The following IFT81 variants were observed in gnomAD, a reference collection of about 807,000 sequenced individuals.
The protein encoded by IFT81 is intraflagellar transport 81.
In IFT81, 72 loss-of-function variants were observed where a neutral mutation model predicts 102.6. That is an observed-to-expected ratio of 0.70 (90% CI 0.58 to 0.85). The LOEUF (loss-of-function observed/expected upper bound fraction) is 0.85. IFT81 is among the 40% of genes least tolerant of loss of function. IFT81 has a pLI of 0.00. For synonymous variants in IFT81, 237 were observed against 242.7 expected (o/e 0.98, Z 0.22); for missense variants, 723 against 787.3 (o/e 0.92, Z 0.98).
chr12:110,156,825 C>T (rs891047797), intron 10 of IFT81, among the ~76,000 whole-genome samples: 1 of 152,014 alleles, frequency 6.6e-6, no homozygotes, highest in African/African-American at 2.4e-5. Flanking sequence ...GACAGTTTTG[C>T]CAGATATATG....
At chr12:110,127,123 T>C (rs1376426355) in intron 1 of IFT81, among the ~76,000 whole-genome samples, 1 of 152,174 alleles carries the variant, frequency 6.6e-6, no homozygotes, top group East Asian at 1.9e-4. Flanking sequence ...ATGATTACTG[T>C]TACACCAGAT....
At chr12:110,169,916 T>C (rs1274618858) in intron 11 of IFT81, among the ~76,000 whole-genome samples, 1 of 151,920 alleles carries the variant, frequency 6.6e-6, no homozygotes, top group Non-Finnish European at 1.5e-5. Flanking sequence ...GAACATTGGA[T>C]CTGTATTTTG....
At chr12:110,196,955 C>CT in intron 14 of IFT81, among the ~76,000 whole-genome samples, 1 of 152,150 alleles carries the variant, frequency 6.6e-6, no homozygotes, top group Middle Eastern at 3.4e-3. Flanking sequence ...AATCCTAGCA[C>CT]TTTGGGAGGC....
intron 10 of IFT81, among the ~76,000 whole-genome samples, chr12:110,156,654 G>A (rs759579480): frequency 1.3e-5 from 2 of 151,926 alleles, no homozygotes; most frequent in Non-Finnish European, 2.9e-5. Context: ...GCACCACCAC[G>A]CCCAGCTAAT....
chr12:110,145,858 T>G (rs1247333343), intron 9 of IFT81, among the ~76,000 whole-genome samples: 1 of 152,170 alleles, frequency 6.6e-6, no homozygotes, highest in Non-Finnish European at 1.5e-5. Flanking sequence ...TCACCCAGGC[T>G]GGAGTCCAGT....
chr12:110,203,651 C>G (rs1898419522), intron 14 of IFT81: 2 of 548,504 alleles, frequency 3.6e-6, no homozygotes, highest in East Asian at 6.4e-5. Context: ...AACAAAGAAC[C>G]TGGCACACAG....
rs61746708 is a variant in IFT81 at position 110,180,450 on chromosome 12, G to A, written c.1217G>A (p.Ser406Asn). ...AAACGATATGTCAATAAACTTCGAA[G>A]CAAGAGTACAGTTTTCAAAAAGAAG... is the stretch of plus-strand genomic sequence containing the variant. ...EFKRYVNKLR[S>N]KSTVFKKKHQ... The change falls in exon 12 of 19, where the codon AGC becomes AAC. Residue 406 changes from serine to asparagine, a missense_variant. Transcript: ENST00000242591. The A allele has an allele frequency of 5.1e-4, 817 of 1,606,968 alleles. No individual in the cohort carries two copies. The highest frequency in any genetic ancestry group is 6.2e-4 in the Non-Finnish European group (726 of 1,174,872).
intron 10 of IFT81, 126 bp downstream of exon 10, chr12:110,147,174 C>T (rs897551963): frequency 3.1e-6 from 2 of 645,122 alleles, no homozygotes; most frequent in South Asian, 7.0e-5. Context: ...CACTGCTAAT[C>T]TCCATAGTAT....
intron 12 of IFT81, among the ~76,000 whole-genome samples, chr12:110,189,677 T>C (rs1332020647): frequency 1.3e-5 from 2 of 152,172 alleles, no homozygotes; most frequent in Non-Finnish European, 1.5e-5. Context: ...TATAACATCT[T>C]GACCTTTCCA....
chr12:110,212,858 G>A (rs574137265), intron 18 of IFT81, among the ~76,000 whole-genome samples: 10 of 151,872 alleles, frequency 6.6e-5, no homozygotes, highest in South Asian at 4.2e-4. Context: ...AAAAATGATC[G>A]CCTTTATTAT....
intron 10 of IFT81, among the ~76,000 whole-genome samples, chr12:110,155,352 C>T (rs529217978): frequency 6.6e-6 from 1 of 152,040 alleles, no homozygotes; most frequent in East Asian, 1.9e-4. Flanking sequence ...CTCCTGTTGC[C>T]CAGGCTGGAG....
At chr12:110,146,178 G>A (rs1895217690) in intron 9 of IFT81, among the ~76,000 whole-genome samples, 1 of 152,168 alleles carries the variant, frequency 6.6e-6, no homozygotes, top group Non-Finnish European at 1.5e-5. Context: ...ATCTTTCAAA[G>A]GATGGATACA....
intron 12 of IFT81, among the ~76,000 whole-genome samples, chr12:110,185,212 GTCTC>G (rs1897472237): frequency 6.6e-6 from 1 of 151,836 alleles, no homozygotes; most frequent in Admixed American, 6.6e-5. Flanking sequence ...TTGAGACAGA[GTCTC>G]TCTCTGTTGC....
At chr12:110,214,995 C>A (rs1048685389) in intron 18 of IFT81, among the ~76,000 whole-genome samples, 5 of 152,068 alleles carry the variant, frequency 3.3e-5, no homozygotes, top group Non-Finnish European at 7.4e-5. Flanking sequence ...GGTATTGCAT[C>A]AAAAAATTTA....
chr12:110,179,519 C>G (rs1334683967), intron 11 of IFT81, among the ~76,000 whole-genome samples: 1 of 151,206 alleles, frequency 6.6e-6, no homozygotes, highest in Non-Finnish European at 1.5e-5. Context: ...CTGAGGAGTT[C>G]AAAACCAGCC....
At chr12:110,130,328 G>A (rs962356407) in intron 4 of IFT81, among the ~76,000 whole-genome samples, 2 of 150,592 alleles carry the variant, frequency 1.3e-5, no homozygotes, top group Non-Finnish European at 2.9e-5. Flanking sequence ...CGATAAATCT[G>A]ATAAAAATTA....
At chr12:110,213,827 A>G (rs1022660239) in intron 18 of IFT81, among the ~76,000 whole-genome samples, 3 of 152,146 alleles carry the variant, frequency 2.0e-5, no homozygotes, top group African/African-American at 4.8e-5. Flanking sequence ...TTCGTACTCA[A>G]ATTTGGCCAG....
At chr12:110,179,755 TATATATATATATATATATAC>T (rs1188033619) in intron 11 of IFT81, among the ~76,000 whole-genome samples, 6 of 57,176 alleles carry the variant, frequency 1.0e-4, no homozygotes, top group South Asian at 5.5e-4. Flanking sequence ...TATATATATA[TATATATATATATATATATAC>T]ACACACACAC....
chr12:110,216,515 C>T (rs1032389756), intron 18 of IFT81: 26 of 446,916 alleles, frequency 5.8e-5, no homozygotes, highest in Non-Finnish European at 1.1e-4. Context: ...TATTATTCAC[C>T]TTAATTTTTT....
Sources: allele counts gnomAD v4.1 joint callset (sites outside exome capture counted in the v4.1 genomes callset), GRCh38; gene constraint gnomAD v4.1.1; transcripts MANE v1.5; gene names NCBI Gene and HGNC (gene_info 2026-07-23, HGNC 2026-07-21).